The following ERBB3 variants were observed in gnomAD, a reference collection of about 807,000 sequenced individuals.
ERBB3 encodes erb-b2 receptor tyrosine kinase 3, also known as receptor tyrosine-protein kinase erbB-3.
In ERBB3, 96 loss-of-function variants were observed where a neutral mutation model predicts 156.7. That is an observed-to-expected ratio of 0.61 (90% CI 0.52 to 0.73). The LOEUF (loss-of-function observed/expected upper bound fraction) is 0.73. Among genes scored for constraint, ERBB3 ranks in the 30% least tolerant of loss-of-function variants. ERBB3 has a pLI of 0.00. For synonymous variants in ERBB3, 567 were observed against 632.0 expected (o/e 0.90, Z 1.54); for missense variants, 1,406 against 1,709.4 (o/e 0.82, Z 3.13).
rs766618651 is a variant in ERBB3, at chr12:56,095,761, G to A, written c.2010G>A (p.Arg670=). The change falls in exon 17 of 28, where the codon CGG becomes CGA. Residue 670 remains arginine, a synonymous_variant. Transcript: ENST00000267101. ...GGTFLYWRGR[R]IQNKRAMRRY... ...CTTTTCTCTACTGGCGTGGGCGCCG[G>A]ATTCAGAATAAAAGGGCTATGAGGC... is the stretch of plus-strand genomic sequence containing the variant. 1.1e-5 allele frequency: 18 copies of A among 1,614,082 alleles called. No homozygotes were observed. The East Asian group carries it at 4.0e-4, about 36-fold the overall frequency.
rs371000187 is a variant in ERBB3, at chr12:56,080,397, A to G, written c.82+15A>G. The G allele has an allele frequency of 1.3e-4, 213 of 1,579,652 alleles. 1 individual carries two copies. The highest frequency in any genetic ancestry group is 2.8e-5 in the Non-Finnish European group (33 of 1,160,846). On this transcript the variant is annotated intron_variant, in intron 1 of 27. Transcript: ENST00000267101. ...CTCTCAGGCAGGTAAGTGGCGCGAGAGCACCGGCGGGCTCGGCACCTGGGA... is the reference window on the plus strand; with the variant it reads ...CTCTCAGGCAGGTAAGTGGCGCGAGGGCACCGGCGGGCTCGGCACCTGGGA...
At position 56,094,134 on chromosome 12, in the gene ERBB3, T is replaced by C; in HGVS notation, c.1649T>C (p.Phe550Ser). 6.2e-7 allele frequency: 1 copy of C among 1,613,952 alleles called. No homozygotes were observed. Among genetic ancestry groups the C allele is most frequent in the Non-Finnish European group, 8.5e-7 (1 of 1,179,958 alleles). The change falls in exon 14 of 28, where the codon TTC becomes TCC. Residue 550 changes from phenylalanine (F) to serine (S), a missense_variant. Around this residue, in one of 3 missense-constraint regions of ERBB3, gnomAD observed 979 missense variants for 1,219.6 expected, o/e 0.80. Transcript: ENST00000267101. ...PREFAHEAEC[F>S]SCHPECQPME... ...GAATTTGCCCATGAGGCCGAATGCT[T>C]CTCCTGCCACCCGGAATGCCAACCC...
intron 14 of ERBB3, 77 bp downstream of exon 14, chr12:56,094,266 T>G: frequency 6.9e-7 from 1 of 1,449,624 alleles, no homozygotes; most frequent in Non-Finnish European, 9.7e-7. Flanking sequence ...ATGATATGGC[T>G]AAGGATAGCA....
rs1410872951 is a variant in ERBB3 at position 56,080,304 on chromosome 12, A to G, written c.4A>G (p.Arg2Gly). 3.8e-6 allele frequency: 6 copies of G among 1,567,044 alleles called. No individual in the cohort carries two copies. The African/African-American group carries it at 6.8e-5, about 18-fold the overall frequency. Reference protein sequence around the residue: MRANDALQVLGL... With the variant: MGANDALQVLGL... ...TCCCTTCACCCTCTGCGGAGTCATG[A>G]GGGCGAACGACGCTCTGCAGGTGCT... Residue 2 changes from arginine (R) to glycine (G), a missense_variant, in exon 1 of 28, where the codon AGG becomes GGG. Physicochemically the swap from Arg to Gly is moderately radical, Grantham distance 125 (BLOSUM62 -2). Transcript: ENST00000267101.
intron 20 of ERBB3, 41 bp downstream of exon 20, chr12:56,097,271 G>C: frequency 1.9e-6 from 3 of 1,590,038 alleles, no homozygotes; most frequent in South Asian, 1.1e-5. Context: ...AGAACTGCTT[G>C]TCTGGGGGCC....
chr12:56,088,908 G>A (rs761982226), intron 9 of ERBB3, 40 bp downstream of exon 9: 9 of 1,612,722 alleles, frequency 5.6e-6, no homozygotes, highest in African/African-American at 2.7e-5. Flanking sequence ...CCCAGCCCAC[G>A]CACCCCTCAC....
At chr12:56,087,335 G>A (rs1194296127) in intron 4 of ERBB3, among the ~76,000 whole-genome samples, 1 of 152,058 alleles carries the variant, frequency 6.6e-6, no homozygotes, top group East Asian at 1.9e-4. Context: ...TAGGACTAAG[G>A]TTGGCATTTG....
rs1293711217 is a variant in ERBB3 at position 56,080,271 on chromosome 12, G to A, written c.-30G>A. The A allele has an allele frequency of 2.6e-6, 4 of 1,544,162 alleles. No homozygotes were observed. Among genetic ancestry groups the A allele is most frequent in the Admixed American group, 3.9e-5 (2 of 51,130 alleles). ...GCCTAGGGGCCCCCGGGCCGGACTT[G>A]GCTGGGCTCCCTTCACCCTCTGCGG... On this transcript the variant is annotated 5_prime_UTR_variant, in exon 1 of 28. Transcript: ENST00000267101.
rs1226415518 is a variant in ERBB3 at position 56,085,897 on chromosome 12, G to A, written c.422-634G>A. 1.3e-4 allele frequency among the ~76,000 whole-genome samples: 19 copies of A among 151,174 alleles called. No homozygotes were observed. The South Asian group carries it at 3.3e-3, about 27-fold the overall frequency. ...ATCCTGGCTAACACGGTGAAACCCC[G>A]TCTCTACTAAAAATACAAAAAATTA... On this transcript the variant is annotated intron_variant, in intron 3 of 27. Transcript: ENST00000267101.
At chr12:56,099,589 G>A (rs1396602867) in intron 23 of ERBB3, 59 bp from the exon 24 acceptor site, 15 of 1,460,234 alleles carry the variant, frequency 1.0e-5, no homozygotes, top group African/African-American at 5.6e-5. Context: ...GTGAGCCACC[G>A]CGCCCGGCCA....
At position 56,096,612 on chromosome 12, in the gene ERBB3, C is replaced by G; in HGVS notation, c.2165C>G (p.Thr722Ser). ...LKVLGSGVFG[T>S]VHKGVWIPEG... Reference sequence around the variant, plus strand: ...GTGCTTGGCTCGGGTGTCTTTGGAACTGTGCACAAAGTGAGTGACCCATAG... The same window carrying G: ...GTGCTTGGCTCGGGTGTCTTTGGAAGTGTGCACAAAGTGAGTGACCCATAG... Residue 722 changes from threonine (T) to serine (S), a missense_variant, in exon 18 of 28, where the codon ACT becomes AGT. By Grantham distance (58) the Thr-to-Ser change is moderately conservative. Coordinates refer to ENST00000267101, the MANE Select transcript of ERBB3 (RefSeq NM_001982.4). 1 of 1,614,156 alleles carries G rather than the reference C, an allele frequency of 6.2e-7. No homozygotes were observed. Among genetic ancestry groups the G allele is most frequent in the Non-Finnish European group, 8.5e-7 (1 of 1,180,030 alleles).
intron 1 of ERBB3, 81 bp downstream of exon 1, chr12:56,080,463 G>A (rs958573846): frequency 9.6e-6 from 11 of 1,145,162 alleles, no homozygotes; most frequent in South Asian, 1.4e-5. Flanking sequence ...GTATGGGCAC[G>A]GTCTCAGGCG....
At chr12:56,094,843 C>T (rs1033854777) in intron 15 of ERBB3, among the ~76,000 whole-genome samples, 1 of 151,732 alleles carries the variant, frequency 6.6e-6, no homozygotes, top group Non-Finnish European at 1.5e-5. Flanking sequence ...CCCAGCTACG[C>T]GGGAGGCTGA....
In ERBB3 at chr12:56,087,578, TC is replaced by T; in HGVS notation, c.555del (p.Cys186ValfsTer20). On this transcript the variant is annotated frameshift_variant and splice_region_variant, in exon 5 of 28. Transcript: ENST00000267101. LOFTEE classifies it high-confidence loss of function. ...IVVKDNGRSC[P>X]PCHEVCKGRC... is the part of the protein sequence containing the mutation. ...TGTGTTGCCTTCCTTCCCAACCAGG[TC>T]CCCCCTGTCATGAGGTTTGCAAGGG... is the stretch of plus-strand genomic sequence containing the variant. The T allele has an allele frequency of 6.2e-7, 1 of 1,613,764 alleles. No individual in the cohort carries two copies. Among genetic ancestry groups the T allele is most frequent in the Non-Finnish European group, 8.5e-7 (1 of 1,179,810 alleles).
Position 56,083,767 on chromosome 12 carries a change from G to A in ERBB3, c.99G>A (p.Leu33=), listed in dbSNP as rs775764667. 6.2e-7 allele frequency: 1 copy of A among 1,614,162 alleles called. No homozygotes were observed. The highest frequency in any genetic ancestry group is 1.1e-5 in the South Asian group (1 of 91,086). The change falls in exon 2 of 28, where the codon CTG becomes CTA. Residue 33 remains leucine (L), a synonymous_variant. Transcript: ENST00000267101. The stretch of plus-strand genomic sequence containing the variant: ...TTTGAACAGTGTGTCCTGGGACTCT[G>A]AATGGCCTGAGTGTGACCGGCGATG... ...GNSQAVCPGT[L]NGLSVTGDAE... is the part of the protein sequence containing the mutation.
intron 9 of ERBB3, among the ~76,000 whole-genome samples, chr12:56,089,434 C>G (rs1868594303): frequency 6.6e-6 from 1 of 152,098 alleles, no homozygotes; most frequent in African/African-American, 2.4e-5. Context: ...TGTAAAAGTT[C>G]TTCCTTAGAT....
intron 3 of ERBB3, 88 bp downstream of exon 3, chr12:56,085,269 T>TA (rs1305808912): frequency 6.9e-6 from 11 of 1,605,526 alleles, no homozygotes; most frequent in Non-Finnish European, 8.5e-6. Flanking sequence ...CTGCTCACTC[T>TA]AAGTGCCTCT....
rs753381982 is a variant in ERBB3, at chr12:56,093,026, C to G, written c.1224C>G (p.Asn408Lys). The G allele has an allele frequency of 1.2e-6, 2 of 1,614,078 alleles. No homozygotes were observed. The highest frequency in any genetic ancestry group is 3.3e-5 in the Admixed American group (2 of 59,998). Residue 408 changes from asparagine to lysine, a missense_variant, in exon 11 of 28, where the codon AAC becomes AAG. Coordinates refer to ENST00000267101, the MANE Select transcript of ERBB3 (RefSeq NM_001982.4). ...AGTCCTGGCCGCCCCACATGCACAA[C>G]TTCAGTGTTTTTTCCAATTTGACAA... ...NIQSWPPHMH[N>K]FSVFSNLTTI...
chr12:56,080,738 G>T (rs1427524089), intron 1 of ERBB3, among the ~76,000 whole-genome samples: 1 of 152,234 alleles, frequency 6.6e-6, no homozygotes, highest in Non-Finnish European at 1.5e-5. Flanking sequence ...TGGGGGCCTT[G>T]GCGGGAAGGG....
Sources: allele counts gnomAD v4.1 joint callset (sites outside exome capture counted in the v4.1 genomes callset), GRCh38; gene constraint gnomAD v4.1.1; regional missense constraint gnomAD v4.1.1; transcripts MANE v1.5; gene names NCBI Gene and HGNC (gene_info 2026-07-23, HGNC 2026-07-21).